The following NME7 variants were observed in gnomAD, a reference collection of about 807,000 sequenced individuals.
NME7 encodes the protein NME/NM23 family member 7.
A neutral mutation model predicts 49.1 loss-of-function variants in NME7; 41 were observed. The observed-to-expected ratio is 0.83, with a 90% confidence interval of 0.65 to 1.08. The LOEUF (loss-of-function observed/expected upper bound fraction) is 1.08. Among genes scored for constraint, NME7 ranks in the 50% least tolerant of loss-of-function variants. The pLI, the probability that NME7 is intolerant of heterozygous loss-of-function variation, is 0.00. For missense variants in NME7, 423 were observed against 463.4 expected, an observed-to-expected ratio of 0.91 and a Z score of 0.80; for synonymous variants, 139 against 150.6, an observed-to-expected ratio of 0.92 and a Z score of 0.56.
intron 7 of NME7, among the ~76,000 whole-genome samples, chr1:169,274,267 T>C (rs2101877958): frequency 7.4e-6 from 1 of 134,366 alleles, no homozygotes; most frequent in African/African-American, 2.5e-5. Flanking sequence ...ATGTCTTCTT[T>C]TGAGAAGTGT....
At chr1:169,145,160 G>A (rs1014745482) in intron 11 of NME7, among the ~76,000 whole-genome samples, 3 of 152,102 alleles carry the variant, frequency 2.0e-5, no homozygotes, top group East Asian at 1.9e-4. Context: ...AACTTTGCAC[G>A]GAAAGATATG....
rs900181759 is a variant in NME7 at position 169,228,579 on chromosome 1, A to G, written c.990+2139T>C. Among the ~76,000 whole-genome samples, 12 of 150,230 alleles carry G rather than the reference A, an allele frequency of 8.0e-5. No individual in the cohort carries two copies. The South Asian group carries it at 1.1e-3, about 13-fold the overall frequency. On this transcript the variant is annotated intron_variant, in intron 10 of 11. Coordinates refer to ENST00000367811, the MANE Select transcript of NME7 (RefSeq NM_013330.5). ...GTAGTCCCAGCTACTCGGGAGGCTG[A>G]GGCAGGAGAATGGCGTGAACCCGGG... is the stretch of plus-strand genomic sequence containing the variant.
chr1:169,269,632 G>A (rs1446741809), intron 7 of NME7, among the ~76,000 whole-genome samples: 1 of 133,216 alleles, frequency 7.5e-6, no homozygotes, highest in East Asian at 2.0e-4. Context: ...ACAGTGGATA[G>A]TAAAACTCTG....
chr1:169,236,647 T>G (rs1463861586), intron 8 of NME7, among the ~76,000 whole-genome samples: 2 of 152,092 alleles, frequency 1.3e-5, no homozygotes, highest in African/African-American at 4.8e-5. Flanking sequence ...TTTATAATTC[T>G]AGGTAAGATT....
intron 10 of NME7, among the ~76,000 whole-genome samples, chr1:169,172,342 GTGTGTGTGTGTGTA>G (rs753660097): frequency 0.012 from 1,300 of 112,612 alleles, 9 homozygotes; most frequent in East Asian, 0.096. Context: ...GTGTGTGTGT[GTGTGTGTGTGTGTA>G]TGTGTATGTG....
At chr1:169,218,808 T>C (rs1366059699) in intron 10 of NME7, among the ~76,000 whole-genome samples, 2 of 151,836 alleles carry the variant, frequency 1.3e-5, no homozygotes. Context: ...TCAGTGTTTA[T>C]CATTAATTCC....
At chr1:169,230,869 C>T (rs767536829) in intron 9 of NME7, 50 bp from the exon 10 acceptor site, 1 of 1,295,488 alleles carries the variant, frequency 7.7e-7, no homozygotes. Flanking sequence ...ATTTTTAACT[C>T]TCCCCTTTTA....
chr1:169,363,500 G>A (rs927122936), intron 1 of NME7, among the ~76,000 whole-genome samples: 1 of 152,076 alleles, frequency 6.6e-6, no homozygotes, highest in African/African-American at 2.4e-5. Flanking sequence ...TTTGAGTAAT[G>A]AGTCATCAGG....
chr1:169,201,323 T>C (rs1476687085), intron 10 of NME7, among the ~76,000 whole-genome samples: 2 of 152,142 alleles, frequency 1.3e-5, no homozygotes, highest in African/African-American at 4.8e-5. Flanking sequence ...TGAGGAGTTT[T>C]AACTACTCAG....
chr1:169,163,132 A>G (rs1021995565), intron 11 of NME7, among the ~76,000 whole-genome samples: 7 of 152,206 alleles, frequency 4.6e-5, no homozygotes, highest in African/African-American at 1.7e-4. Context: ...TCCTGGGGAA[A>G]GATGAAGGAA....
intron 1 of NME7, among the ~76,000 whole-genome samples, chr1:169,349,059 T>C (rs1653055934): frequency 3.3e-5 from 5 of 152,148 alleles, no homozygotes; most frequent in Non-Finnish European, 7.4e-5. Flanking sequence ...GAATATACAG[T>C]AGGCATTCAA....
At chr1:169,363,503 T>C (rs1441791601) in intron 1 of NME7, among the ~76,000 whole-genome samples, 1 of 152,168 alleles carries the variant, frequency 6.6e-6, no homozygotes, top group Non-Finnish European at 1.5e-5. Context: ...GAGTAATGAG[T>C]CATCAGGTAC....
At position 169,258,958 on chromosome 1, in the gene NME7, G is replaced by A. The variant is rs1443796286; in HGVS notation, c.755-21271C>T. Among the ~76,000 whole-genome samples, 4 of 133,406 alleles carry A rather than the reference G, an allele frequency of 3.0e-5. 1 individual carries two copies. Among genetic ancestry groups the A allele is most frequent in the African/African-American group, 5.1e-5 (2 of 39,406 alleles). 87.5% of individuals were successfully genotyped at this position (133,406 alleles called of 152,430 possible). ...ATCTATATTTAATCCAAGTGATCCT[G>A]ATGCACACTAACGTTTCAGAACCAT... On this transcript the variant is annotated intron_variant, in intron 7 of 11. Coordinates refer to ENST00000367811, the MANE Select transcript of NME7 (RefSeq NM_013330.5).
chr1:169,169,607 A>T (rs1359304743), intron 10 of NME7, 53 bp from the exon 11 acceptor site: 1 of 1,472,236 alleles, frequency 6.8e-7, no homozygotes, highest in East Asian at 2.3e-5. Context: ...GGTATAAATA[A>T]GAAAAACACT....
intron 7 of NME7, among the ~76,000 whole-genome samples, chr1:169,283,498 C>A (rs1361717372): frequency 1.3e-5 from 2 of 152,090 alleles, no homozygotes; most frequent in Non-Finnish European, 2.9e-5. Context: ...ATGATGTTAG[C>A]TGGTTGTTTT....
chr1:169,240,034 G>T (rs12025233), intron 7 of NME7, among the ~76,000 whole-genome samples: 15,644 of 151,762 alleles, frequency 0.1, 859 homozygotes, highest in Admixed American at 0.12. Flanking sequence ...CCTTTATATA[G>T]GTTATCTCTA....
At chr1:169,283,842 G>A (rs902502493) in intron 7 of NME7, 1 of 152,164 alleles carries the variant, frequency 6.6e-6, no homozygotes, top group African/African-American at 2.4e-5. Context: ...GCTTCTCTTT[G>A]TGGGTAACCC....
chr1:169,272,225 T>C (rs1008075131), intron 7 of NME7, among the ~76,000 whole-genome samples: 9 of 133,464 alleles, frequency 6.7e-5, no homozygotes, highest in African/African-American at 2.3e-4. Context: ...TAATAGTTAT[T>C]TTGATATCAA....
At chr1:169,359,244 C>G (rs769701756) in intron 1 of NME7, among the ~76,000 whole-genome samples, 4 of 151,584 alleles carry the variant, frequency 2.6e-5, no homozygotes, top group Non-Finnish European at 5.9e-5. Flanking sequence ...TGTTATAGTG[C>G]TTTGTTTTTA....
Sources: allele counts gnomAD v4.1 joint callset (sites outside exome capture counted in the v4.1 genomes callset), GRCh38; gene constraint gnomAD v4.1.1; transcripts MANE v1.5; gene names NCBI Gene and HGNC (gene_info 2026-07-23, HGNC 2026-07-21).